FANCA: variants seen among roughly 807,000 people sequenced by gnomAD.
FANCA encodes FA complementation group A, also known as Fanconi anemia group A protein.
Under a neutral mutation model 194.3 loss-of-function variants are expected in FANCA, and 236 were observed. The ratio of observed to expected loss-of-function variants is 1.21; its 90% CI spans 1.09 to 1.35. The LOEUF is 1.35. Ranked by LOEUF, FANCA falls within the 40% of genes most tolerant of loss-of-function variation. FANCA has a pLI of 0.00. For missense variants in FANCA, 2,628 were observed against 1,813.9 expected, an observed-to-expected ratio of 1.45 and a Z score of -8.15; for synonymous variants, 1,014 against 715.8, an observed-to-expected ratio of 1.42 and a Z score of -6.65.
At chr16:89,739,704 A>C in intron 39 of FANCA, 151 bp from the exon 40 acceptor site, 1 of 1,500,994 alleles carries the variant, frequency 6.7e-7, no homozygotes, top group African/African-American at 1.4e-5. Context: ...ATACCCAGGT[A>C]CCTGTCAGCA....
intron 10 of FANCA, among the ~76,000 whole-genome samples, chr16:89,797,087 G>T (rs2040273340): frequency 6.6e-6 from 1 of 152,142 alleles, no homozygotes; most frequent in Non-Finnish European, 1.5e-5. Flanking sequence ...GTGAACCCAG[G>T]GAGCGGAGCT....
intron 5 of FANCA, among the ~76,000 whole-genome samples, chr16:89,809,214 G>C (rs140157572): frequency 1.3e-5 from 2 of 151,674 alleles, no homozygotes; most frequent in Non-Finnish European, 2.9e-5. Flanking sequence ...CCCCTAACTC[G>C]CACTCTTCAC....
chr16:89,808,837 G>T lies in FANCA; in HGVS notation c.523-470C>A, dbSNP rs1417459290. The stretch of plus-strand genomic sequence containing the variant: ...ACAGGATCTGCTTTAGCCACTCACT[G>T]TGAACACTGTGCCTGTCACACTGCC... On this transcript the variant is annotated intron_variant, in intron 5 of 42. Coordinates refer to ENST00000389301, the MANE Select transcript of FANCA (RefSeq NM_000135.4). Among the ~76,000 whole-genome samples, 4 of 151,954 alleles carry T rather than the reference G, an allele frequency of 2.6e-5. No individual in the cohort carries two copies. The East Asian group carries it at 7.7e-4, about 29-fold the overall frequency.
In FANCA at chr16:89,815,916, G is replaced by A. The variant is rs1322931574; in HGVS notation, c.150C>T (p.Leu50=). The change falls in exon 2 of 43, where the codon CTC becomes CTT. Residue 50 remains leucine (L), a synonymous_variant. Coordinates refer to ENST00000389301, the MANE Select transcript of FANCA (RefSeq NM_000135.4). ...CATTCAGGTCCTGATGGCTTCGCAG[G>A]AGGCGCACAGCTGATTCCTTTAATT... ...AQKLKESAVR[L]LRSHQDLNAL... The A allele has an allele frequency of 5.0e-6, 8 of 1,614,048 alleles. No homozygotes were observed. Among genetic ancestry groups the A allele is most frequent in the South Asian group, 1.1e-5 (1 of 91,094 alleles).
intron 11 of FANCA, 99 bp from the exon 12 acceptor site, chr16:89,792,646 G>A (rs936981183): frequency 1.2e-5 from 11 of 939,608 alleles, no homozygotes; most frequent in Admixed American, 1.9e-5. Flanking sequence ...GTCTCTCCCC[G>A]TGTGCGGCGA....
intron 2 of FANCA, among the ~76,000 whole-genome samples, chr16:89,815,313 A>T (rs911780381): frequency 1.6e-4 from 23 of 141,324 alleles, no homozygotes; most frequent in African/African-American, 5.5e-4. Context: ...CTAGGATTAC[A>T]GGCGTGAGCC....
In FANCA at chr16:89,745,503, G is replaced by GA. The variant is rs538190390; in HGVS notation, c.3514-433dup. On this transcript the variant is annotated intron_variant, in intron 35 of 42. Coordinates refer to ENST00000389301, the MANE Select transcript of FANCA (RefSeq NM_000135.4). ...GACCACACTCCTCTGAGCTGGGAAC[G>GA]AAACAGTGAAGGGACCACACTGCCC... is the stretch of plus-strand genomic sequence containing the variant. Among the ~76,000 whole-genome samples, 179 of 76,294 alleles carry GA rather than the reference G, an allele frequency of 2.3e-3. 7 individuals are homozygous for GA. The highest frequency in any genetic ancestry group is 2.7e-3 in the Non-Finnish European group (118 of 44,262). The allele number at this position is 76,294 out of a possible 152,430, so 50.1% of individuals were successfully genotyped here. A position where few individuals can be genotyped will look rare whatever the true frequency, so the allele number is the denominator to read the frequency against.
intron 2 of FANCA, among the ~76,000 whole-genome samples, chr16:89,815,408 G>A (rs1449045041): frequency 1.5e-5 from 2 of 135,848 alleles, no homozygotes; most frequent in African/African-American, 2.8e-5. Context: ...GATTGCAAGG[G>A]GCGTGATCTC....
At chr16:89,763,108 G>A (rs753233626) in intron 28 of FANCA, among the ~76,000 whole-genome samples, 22 of 151,668 alleles carry the variant, frequency 1.5e-4, no homozygotes, top group South Asian at 2.1e-4. Flanking sequence ...TTAGCTGGGC[G>A]CGGTGGCGTG....
At chr16:89,814,079 T>C (rs1281057469) in intron 3 of FANCA, among the ~76,000 whole-genome samples, 1 of 152,180 alleles carries the variant, frequency 6.6e-6, no homozygotes, top group Non-Finnish European at 1.5e-5. Context: ...AGTCATCACA[T>C]AAGGACGTGA....
At chr16:89,811,994 C>G (rs1006915615) in intron 3 of FANCA, among the ~76,000 whole-genome samples, 3 of 151,028 alleles carry the variant, frequency 2.0e-5, no homozygotes, top group African/African-American at 7.3e-5. Context: ...GCCTCCCATA[C>G]TGCTGGGATT....
intron 15 of FANCA, among the ~76,000 whole-genome samples, chr16:89,784,408 A>C (rs1449359243): frequency 2.7e-5 from 4 of 147,260 alleles, no homozygotes; most frequent in East Asian, 2.0e-4. Context: ...CAAAAAAAAA[A>C]CCCACATGAA....
chr16:89,768,684 A>G (rs1401914321), intron 26 of FANCA, among the ~76,000 whole-genome samples: 3 of 152,042 alleles, frequency 2.0e-5, no homozygotes, highest in Non-Finnish European at 4.4e-5. Flanking sequence ...CAAAAAACAA[A>G]AAAAAAAACA....
chr16:89,787,552 G>C (rs1567632593), intron 14 of FANCA, among the ~76,000 whole-genome samples: 1 of 151,946 alleles, frequency 6.6e-6, no homozygotes, highest in Non-Finnish European at 1.5e-5. Context: ...GGGCAACATA[G>C]TGAGACACTA....
intron 3 of FANCA, 85 bp downstream of exon 3, chr16:89,814,435 C>T: frequency 9.3e-7 from 1 of 1,072,550 alleles, no homozygotes; most frequent in Admixed American, 2.0e-5. Context: ...AGAAAATTTA[C>T]ATTTCTACTT....
In FANCA at chr16:89,770,025, C is replaced by G. The variant is rs1230207719; in HGVS notation, c.2317-1G>C. 3 of 1,613,170 alleles carry G rather than the reference C, an allele frequency of 1.9e-6. No individual in the cohort carries two copies. The highest frequency in any genetic ancestry group is 2.5e-6 in the Non-Finnish European group (3 of 1,179,832). ...CATGTGGGGCACTCAGGCTCGGGCC[C>G]TGCAACGAGAATGAGGGTGGCAGAG... On this transcript the variant is annotated splice_acceptor_variant, in intron 25 of 42. Coordinates refer to ENST00000389301, the MANE Select transcript of FANCA (RefSeq NM_000135.4). LOFTEE classifies it high-confidence loss of function.
At position 89,779,990 on chromosome 16, in the gene FANCA, A is replaced by G. The variant is rs757925118; in HGVS notation, c.1627-33T>C. ...CCATACAGGGAGGAAAGGAAAAAGAACAGAGGACTTTAAAGAAAAGACTGA... is the reference window on the plus strand; with the variant it reads ...CCATACAGGGAGGAAAGGAAAAAGAGCAGAGGACTTTAAAGAAAAGACTGA... On this transcript the variant is annotated intron_variant, in intron 17 of 42. Transcript: ENST00000389301. 2.5e-6 allele frequency: 4 copies of G among 1,592,330 alleles called. No homozygotes were observed. The Admixed American group carries it at 6.7e-5, about 27-fold the overall frequency.
rs148924614 is a variant in FANCA at position 89,775,525 on chromosome 16, A to G, written c.1900+217T>C. On this transcript the variant is annotated intron_variant, in intron 21 of 42. Transcript: ENST00000389301. ...GTGCACTGCACACACTCCTTTCCGG[A>G]AGGTGCTAAGTGATTCTTCAGGACC... Among the ~76,000 whole-genome samples, 238 of 152,338 alleles carry G rather than the reference A, an allele frequency of 1.6e-3. 1 individual carries two copies. Among genetic ancestry groups the G allele is most frequent in the African/African-American group, 5.1e-3 (210 of 41,580 alleles).
chr16:89,772,723 G>A (rs571530086), intron 22 of FANCA, among the ~76,000 whole-genome samples: 131 of 150,996 alleles, frequency 8.7e-4, no homozygotes, highest in African/African-American at 3.1e-3. Context: ...GGAGGCTGAG[G>A]CGGGAGAATT....
Sources: allele counts gnomAD v4.1 joint callset (sites outside exome capture counted in the v4.1 genomes callset), GRCh38; gene constraint gnomAD v4.1.1; transcripts MANE v1.5; gene names NCBI Gene and HGNC (gene_info 2026-07-23, HGNC 2026-07-21).